CMTR1: variants seen among roughly 807,000 people sequenced by gnomAD.
The protein encoded by CMTR1 is cap-specific mRNA (nucleoside-2'-O-)-methyltransferase 1.
Under a neutral mutation model 107.0 loss-of-function variants are expected in CMTR1, and 39 were observed. That is an observed-to-expected ratio of 0.36 (90% confidence interval 0.28 to 0.48). CMTR1 has a LOEUF of 0.48. Among genes scored for constraint, CMTR1 ranks in the 20% least tolerant of loss-of-function variants. CMTR1 has a pLI of 0.99. For synonymous variants in CMTR1, 366 were observed against 379.5 expected (o/e 0.96, Z 0.41); for missense variants, 672 against 1,064.9 (o/e 0.63, Z 5.14).
the CMTR1 span, among the ~76,000 whole-genome samples, chr6:37,427,967 C>T: frequency 6.9e-6 from 1 of 145,750 alleles, no homozygotes; most frequent in Non-Finnish European, 1.5e-5. This position sits in a 1 kb window ranked among gnomAD's most constrained non-coding sequence, Gnocchi z 4.4. Flanking sequence ...TGTTTTTCCC[C>T]TAAATGTGAT....
chr6:37,456,329 C>A (rs1409398570), intron 8 of CMTR1, among the ~76,000 whole-genome samples: 5 of 152,128 alleles, frequency 3.3e-5, no homozygotes, highest in Non-Finnish European at 7.3e-5. Context: ...GATGAATAAT[C>A]GATGGCTCAG....
intron 1 of CMTR1, among the ~76,000 whole-genome samples, chr6:37,434,396 TGTC>T (rs955205774): frequency 1.3e-5 from 2 of 152,200 alleles, no homozygotes; most frequent in Admixed American, 6.5e-5. Context: ...TTTCCCAGCT[TGTC>T]GCCCACCCTG....
At chr6:37,462,763 TG>T in intron 12 of CMTR1, 65 bp from the exon 13 acceptor site, 1 of 1,491,174 alleles carries the variant, frequency 6.7e-7, no homozygotes, top group Non-Finnish European at 9.3e-7. Flanking sequence ...CACAAGGGGT[TG>T]GGGGAAAAGG....
chr6:37,455,629 A>G (rs1318313640), intron 8 of CMTR1, among the ~76,000 whole-genome samples: 2 of 152,182 alleles, frequency 1.3e-5, no homozygotes, highest in Non-Finnish European at 2.9e-5. Context: ...AACTGAAGGT[A>G]GATCTCTAAG....
chr6:37,442,480 A>G (rs1162359993), intron 2 of CMTR1, among the ~76,000 whole-genome samples: 1 of 152,204 alleles, frequency 6.6e-6, no homozygotes, highest in African/African-American at 2.4e-5. Context: ...ATTAATTTCT[A>G]TTAAATGGAA....
intron 18 of CMTR1, 111 bp from the exon 19 acceptor site, chr6:37,475,210 C>T (rs2113894432): frequency 1.2e-6 from 1 of 829,776 alleles, no homozygotes; most frequent in South Asian, 1.5e-5. Context: ...CATTTAGAGC[C>T]CTACCCTTCC....
intron 13 of CMTR1, among the ~76,000 whole-genome samples, chr6:37,469,431 G>T (rs550405134): frequency 1.8e-4 from 27 of 151,206 alleles, no homozygotes; most frequent in Non-Finnish European, 3.5e-4. Flanking sequence ...TATTCTGCTT[G>T]GGGTTCATTG....
At chr6:37,426,960 CTG>C in the CMTR1 span, among the ~76,000 whole-genome samples, 1 of 152,138 alleles carries the variant, frequency 6.6e-6, no homozygotes, top group African/African-American at 2.4e-5. Flanking sequence ...GTTTATACCT[CTG>C]TGATAAGAAG....
At position 37,475,401 on chromosome 6, in the gene CMTR1, C is replaced by T. The variant is rs1337861324; in HGVS notation, c.2025C>T (p.His675=). 1 of 1,519,858 alleles carries T rather than the reference C, an allele frequency of 6.6e-7. No homozygotes were observed. Among genetic ancestry groups the T allele is most frequent in the Non-Finnish European group, 9.0e-7 (1 of 1,113,730 alleles). 94.1% of individuals were successfully genotyped at this position (1,519,858 alleles called of 1,614,324 possible). Residue 675 remains histidine (H), a synonymous_variant, in exon 19 of 24, where the codon CAC becomes CAT. Coordinates refer to ENST00000373451, the MANE Select transcript of CMTR1 (RefSeq NM_015050.3). ...ATGGCACCGACGTTCGGGAGCAGCA[C>T]TTTAACCAGCGGTCTGACCTGGGCC... is the stretch of plus-strand genomic sequence containing the variant. ...VLNGTDVREQ[H]FNQRIQLAEK...
At chr6:37,468,017 C>T (rs956690908) in intron 13 of CMTR1, among the ~76,000 whole-genome samples, 5 of 149,846 alleles carry the variant, frequency 3.3e-5, no homozygotes, top group African/African-American at 1.2e-4. Context: ...ATCCTGTCTG[C>T]TCTTTGTTCC....
At position 37,446,283 on chromosome 6, in the gene CMTR1, T is replaced by C. The variant is rs905251567; in HGVS notation, c.286-8T>C. 3.1e-6 allele frequency: 5 copies of C among 1,613,704 alleles called. No homozygotes were observed. Among genetic ancestry groups the C allele is most frequent in the Non-Finnish European group, 4.2e-6 (5 of 1,179,860 alleles). On this transcript the variant is annotated splice_region_variant and splice_polypyrimidine_tract_variant and intron_variant, in intron 3 of 23. Transcript: ENST00000373451. ...AATTAATTGTGCTCCACTACTTCTC[T>C]TTTTCAGGCCAAGATGGGCTTCAGG...
chr6:37,451,923 G>T (rs17572815), intron 6 of CMTR1, 46 bp downstream of exon 6: 40,291 of 1,494,350 alleles, frequency 0.027, 674 homozygotes, highest in Non-Finnish European at 0.032. Context: ...CTTGTGGGAG[G>T]TGATTTGCTG....
chr6:37,481,368 A>G lies in CMTR1; in HGVS notation c.*1223A>G. 3 of 1,189,328 alleles carry G rather than the reference A, an allele frequency of 2.5e-6. No homozygotes were observed. Among genetic ancestry groups the G allele is most frequent in the Non-Finnish European group, 3.2e-6 (3 of 943,316 alleles). The allele number at this position is 1,189,328 out of a possible 1,614,324, so 73.7% of individuals were successfully genotyped here. A position where few individuals can be genotyped will look rare whatever the true frequency, so the allele number is the denominator to read the frequency against. The stretch of plus-strand genomic sequence containing the variant: ...CCGTGAGGTTGGAATCGACTTCACC[A>G]TGGGGGTCCTTCAGCCAGCATCCAG... On this transcript the variant is annotated 3_prime_UTR_variant, in exon 24 of 24. Transcript: ENST00000373451.
intron 3 of CMTR1, among the ~76,000 whole-genome samples, chr6:37,444,958 G>A (rs1433891951): frequency 1.3e-5 from 2 of 152,082 alleles, no homozygotes. Context: ...CCTGAGAGGT[G>A]GAGCTTGCAG....
Position 37,456,096 on chromosome 6 carries a change from C to T in CMTR1, c.778-2516C>T, listed in dbSNP as rs888820907. Among the ~76,000 whole-genome samples the T allele has an allele frequency of 6.6e-5, 10 of 152,334 alleles. 2 individuals carry two copies. Among genetic ancestry groups the T allele is most frequent in the Admixed American group, 4.6e-4 (7 of 15,302 alleles). The stretch of plus-strand genomic sequence containing the variant: ...CTTTGCAGGGGTGAGGTGTTCGCAT[C>T]GATCATTCCGCATCCTTCTCCCAGT... On this transcript the variant is annotated intron_variant, in intron 8 of 23. Coordinates refer to ENST00000373451, the MANE Select transcript of CMTR1 (RefSeq NM_015050.3).
At position 37,459,640 on chromosome 6, in the gene CMTR1, G is replaced by C; in HGVS notation, c.1051G>C (p.Asp351His). ...NISAFRNFVL[D>H]NTDRKGVHFL... ...CTCTGCTTTTCGGAATTTTGTCCTG[G>C]ATAACACAGATCGCAAGGGTGTCCA... Residue 351 changes from aspartate to histidine, a missense_variant, in exon 10 of 24, where the codon GAT becomes CAT. This residue lies in a region of CMTR1 where 583 missense variants were observed against 968.4 expected (regional missense o/e 0.60). Transcript: ENST00000373451. 6.2e-7 allele frequency: 1 copy of C among 1,614,170 alleles called. No homozygotes were observed. The highest frequency in any genetic ancestry group is 8.5e-7 in the Non-Finnish European group (1 of 1,180,026).
chr6:37,461,708 C>A, intron 11 of CMTR1, 63 bp downstream of exon 11: 2 of 1,130,424 alleles, frequency 1.8e-6, no homozygotes, highest in South Asian at 2.9e-5. Flanking sequence ...TGGACAAGAA[C>A]ATGTACAAGG....
intron 1 of CMTR1, among the ~76,000 whole-genome samples, chr6:37,434,012 C>T (rs936188237): frequency 5.9e-5 from 9 of 152,208 alleles, no homozygotes; most frequent in Admixed American, 5.9e-4. Context: ...AGTCTCCCCC[C>T]GAGTCACTTA....
intron 8 of CMTR1, among the ~76,000 whole-genome samples, chr6:37,456,242 G>A (rs1311900781): frequency 1.3e-5 from 2 of 152,184 alleles, no homozygotes; most frequent in Admixed American, 6.5e-5. Flanking sequence ...CCACCATGCT[G>A]ACTCGAAGAT....
Sources: gnomAD v4.1 joint callset for allele counts (sites outside exome capture counted in the v4.1 genomes callset) on GRCh38, gnomAD v4.1.1 for gene constraint, gnomAD v4.1.1 regional missense constraint, Gnocchi (gnomAD v3.1) non-coding constraint, MANE v1.5 for transcripts, NCBI Gene and HGNC (gene_info 2026-07-23, HGNC 2026-07-21) for gene names.